The following XKR4 variants were observed in gnomAD, a reference collection of about 807,000 sequenced individuals.
XKR4 encodes the protein XK related 4.
XKR4 carries 12 observed loss-of-function variants against 53.9 expected under a neutral mutation model. That is an observed-to-expected ratio of 0.22 (90% CI 0.14 to 0.36). The LOEUF is 0.36. Ranked by LOEUF, XKR4 falls within the 10% of genes least tolerant of loss-of-function variation. XKR4 has a pLI of 1.00. For synonymous variants in XKR4, 354 were observed against 362.4 expected (o/e 0.98, Z 0.26); for missense variants, 799 against 859.5 (o/e 0.93, Z 0.88).
At chr8:55,430,502 A>G (rs1285847313) in intron 2 of XKR4, among the ~76,000 whole-genome samples, 1 of 152,206 alleles carries the variant, frequency 6.6e-6, no homozygotes, top group Non-Finnish European at 1.5e-5. Context: ...ATTGGTTGCC[A>G]GAGGGTAAAT....
At position 55,102,373 on chromosome 8, in the gene XKR4, G is replaced by A. The variant is rs1816055501; in HGVS notation, c.-116G>A. The A allele has an allele frequency of 7.8e-7, 1 of 1,274,494 alleles. No homozygotes were observed. The highest frequency in any genetic ancestry group is 3.6e-5 in the East Asian group (1 of 28,010). 78.9% of individuals were successfully genotyped at this position (1,274,494 alleles called of 1,614,324 possible). A position where few individuals can be genotyped will look rare whatever the true frequency, so the allele number is the denominator to read the frequency against. On this transcript the variant is annotated 5_prime_UTR_variant, in exon 1 of 3. Coordinates refer to ENST00000327381, the MANE Select transcript of XKR4 (RefSeq NM_052898.2). The surrounding 1 kb of genome is among the most constrained non-coding windows in gnomAD (Gnocchi z 5.1). ...GCGAGCCGACGCAGGAGCAGGAGGA[G>A]GGGGAGCCGCACCGCCTGGGAGGGA...
chr8:55,516,459 A>T (rs1806715651), intron 2 of XKR4, among the ~76,000 whole-genome samples: 1 of 151,422 alleles, frequency 6.6e-6, no homozygotes, highest in African/African-American at 2.5e-5. Context: ...AAGATACTTT[A>T]AATTTCCTCT....
At chr8:55,465,350 AT>A (rs1805746937) in intron 2 of XKR4, among the ~76,000 whole-genome samples, 1 of 152,120 alleles carries the variant, frequency 6.6e-6, no homozygotes, top group Admixed American at 6.6e-5. Context: ...CAACCATCTG[AT>A]CTTTGAAAAA....
At chr8:55,454,807 C>T in intron 2 of XKR4, 1 of 770,472 alleles carries the variant, frequency 1.3e-6, no homozygotes, top group South Asian at 1.4e-5. Flanking sequence ...TGGGCAGGCT[C>T]TGTGGGCGAC....
chr8:55,172,861 G>A (rs1317201916), intron 1 of XKR4, among the ~76,000 whole-genome samples: 1 of 152,196 alleles, frequency 6.6e-6, no homozygotes, highest in Non-Finnish European at 1.5e-5. Context: ...TCTTGGGAAT[G>A]AGAGCTAGAC....
At chr8:55,342,576 G>T (rs1038066194) in intron 1 of XKR4, among the ~76,000 whole-genome samples, 2 of 151,936 alleles carry the variant, frequency 1.3e-5, no homozygotes, top group African/African-American at 4.8e-5. Flanking sequence ...CCACCGATCT[G>T]CTCCACCACT....
At chr8:55,325,060 G>A (rs566245053) in intron 1 of XKR4, among the ~76,000 whole-genome samples, 51 of 152,184 alleles carry the variant, frequency 3.4e-4, no homozygotes, top group African/African-American at 1.2e-3. Context: ...TCAAAAGATG[G>A]ACCATGTATT....
chr8:55,356,081 A>G (rs73589718), intron 1 of XKR4, among the ~76,000 whole-genome samples: 2,649 of 152,310 alleles, frequency 0.017, 93 homozygotes, highest in African/African-American at 0.06. Flanking sequence ...GGGATCTACC[A>G]GACAGCAAGC....
At chr8:55,244,436 A>G (rs572155831) in intron 1 of XKR4, among the ~76,000 whole-genome samples, 5 of 152,328 alleles carry the variant, frequency 3.3e-5, no homozygotes, top group Non-Finnish European at 4.4e-5. Context: ...CATGGTGTAT[A>G]TGTACCACAT....
intron 1 of XKR4, among the ~76,000 whole-genome samples, chr8:55,245,798 A>G (rs1404190004): frequency 1.3e-5 from 2 of 152,054 alleles, no homozygotes; most frequent in African/African-American, 4.8e-5. Context: ...TGTCTTAGAA[A>G]TGCCTCCCAA....
At chr8:55,329,365 T>A (rs1803349171) in intron 1 of XKR4, among the ~76,000 whole-genome samples, 1 of 151,724 alleles carries the variant, frequency 6.6e-6, no homozygotes, top group Admixed American at 6.6e-5. Context: ...TCTTCAAACA[T>A]GAGATTTTTT....
At chr8:55,312,110 T>C (rs982235970) in intron 1 of XKR4, among the ~76,000 whole-genome samples, 2 of 151,996 alleles carry the variant, frequency 1.3e-5, no homozygotes, top group Non-Finnish European at 2.9e-5. Context: ...GTTAAAAATG[T>C]GGCCACTTTG....
At chr8:55,430,037 A>T (rs775505645) in intron 2 of XKR4, among the ~76,000 whole-genome samples, 1 of 152,252 alleles carries the variant, frequency 6.6e-6, no homozygotes, top group Non-Finnish European at 1.5e-5. Context: ...ATATGAAAAG[A>T]TGCTCCAAAA....
intron 2 of XKR4, chr8:55,452,318 G>A: frequency 4.7e-6 from 3 of 643,808 alleles, no homozygotes; most frequent in Non-Finnish European, 8.6e-6. Flanking sequence ...CGGCCACCGG[G>A]AAGGAGCGGA....
At chr8:55,252,368 G>T (rs900745011) in intron 1 of XKR4, among the ~76,000 whole-genome samples, 1 of 152,104 alleles carries the variant, frequency 6.6e-6, no homozygotes, top group African/African-American at 2.4e-5. Flanking sequence ...TAAAATTGAA[G>T]GATCTCAAAC....
At position 55,540,812 on chromosome 8, in the gene XKR4, T is replaced by C. The variant is rs1272974839; in HGVS notation, c.*16585T>C. 2 of 152,186 alleles carry C rather than the reference T, an allele frequency of 1.3e-5. No individual in the cohort carries two copies. Among genetic ancestry groups the C allele is most frequent in the African/African-American group, 4.8e-5 (2 of 41,446 alleles). 9.4% of individuals were successfully genotyped at this position (152,186 alleles called of 1,614,324 possible). Reference sequence around the variant, plus strand: ...GGATTGGAGTTTCTAGTAATGATAATTAATGCCATTTTACATGATAGCTTC... The same window carrying C: ...GGATTGGAGTTTCTAGTAATGATAACTAATGCCATTTTACATGATAGCTTC... On this transcript the variant is annotated 3_prime_UTR_variant, in exon 3 of 3. Coordinates refer to ENST00000327381, the MANE Select transcript of XKR4 (RefSeq NM_052898.2).
intron 2 of XKR4, among the ~76,000 whole-genome samples, chr8:55,479,612 A>T (rs562587259): frequency 6.6e-6 from 1 of 152,052 alleles, no homozygotes; most frequent in African/African-American, 2.4e-5. Context: ...AATCCAGGAG[A>T]TTGTTTTTTG....
rs746616597 is a variant in XKR4, at chr8:55,376,890, CTCTG to C, written c.1006+19017_1006+19020del. ...CATCTCTCACCCTCTCTCTCTCTCT[CTCTG>C]TCTCTCTGTCTCTACCTCTCTCTCC... is the stretch of plus-strand genomic sequence containing the variant. On this transcript the variant is annotated intron_variant, in intron 2 of 2. Coordinates refer to ENST00000327381, the MANE Select transcript of XKR4 (RefSeq NM_052898.2). Among the ~76,000 whole-genome samples the C allele has an allele frequency of 3.1e-4, 47 of 152,010 alleles. No homozygotes were observed. In the South Asian group the frequency reaches 6.7e-3, roughly 22 times the overall value.
At chr8:55,133,349 T>C (rs2129353303) in intron 1 of XKR4, among the ~76,000 whole-genome samples, 1 of 152,278 alleles carries the variant, frequency 6.6e-6, no homozygotes, top group East Asian at 1.9e-4. Flanking sequence ...CACAGGAATG[T>C]GGATAAATAG....
Sources: allele counts gnomAD v4.1 joint callset (sites outside exome capture counted in the v4.1 genomes callset), GRCh38; gene constraint gnomAD v4.1.1; non-coding constraint Gnocchi (gnomAD v3.1); transcripts MANE v1.5; gene names NCBI Gene and HGNC (gene_info 2026-07-23, HGNC 2026-07-21).